MORF4L1: variants seen among roughly 807,000 people sequenced by gnomAD.
MORF4L1 encodes the protein mortality factor 4 like 1.
A neutral mutation model predicts 52.9 loss-of-function variants in MORF4L1; 4 were observed. The ratio of observed to expected loss-of-function variants is 0.08; its 90% CI spans 0.04 to 0.17. The LOEUF (loss-of-function observed/expected upper bound fraction) is 0.17. Among genes scored for constraint, MORF4L1 ranks in the 10% least tolerant of loss-of-function variants. The probability of loss-of-function intolerance (pLI) is 1.00; values close to 1 mark genes in which losing one functional copy is unlikely to be tolerated. For missense variants in MORF4L1, 214 were observed against 390.4 expected (o/e 0.55, Z 3.81); for synonymous variants, 123 against 134.8 (o/e 0.91, Z 0.61).
chr15:78,887,397 A>T, intron 5 of MORF4L1, 48 bp downstream of exon 5: 1 of 1,505,978 alleles, frequency 6.6e-7, no homozygotes, highest in Non-Finnish European at 9.1e-7. Context: ...TGAAGATAAT[A>T]TTTTATGTTC....
Position 78,894,045 on chromosome 15 carries a change from G to C in MORF4L1, c.630-13G>C. ...TATTGACCAGTTTTGGAATATTTTT[G>C]TTCATTTATCAGGGAGTATGCGGTT... On this transcript the variant is annotated splice_polypyrimidine_tract_variant and intron_variant, in intron 9 of 11. Transcript: ENST00000426013. 1.2e-6 allele frequency: 2 copies of C among 1,601,806 alleles called. No homozygotes were observed. The highest frequency in any genetic ancestry group is 1.7e-6 in the Non-Finnish European group (2 of 1,173,676).
rs116697265 is a variant in MORF4L1 at position 78,895,851 on chromosome 15, T to G, written c.887+947T>G. On this transcript the variant is annotated intron_variant, in intron 11 of 11. Transcript: ENST00000426013. ...GTAAATTTAAAACTGCAACGTGGACTTGAGAATGTAGGCAAGATTTATCAT... is the reference window on the plus strand; with the variant it reads ...GTAAATTTAAAACTGCAACGTGGACGTGAGAATGTAGGCAAGATTTATCAT... 1.4e-3 allele frequency among the ~76,000 whole-genome samples: 206 copies of G among 152,322 alleles called. 1 individual carries two copies. Among genetic ancestry groups the G allele is most frequent in the African/African-American group, 4.6e-3 (192 of 41,578 alleles).
intron 11 of MORF4L1, 71 bp downstream of exon 11, chr15:78,894,975 G>A (rs1334332727): frequency 8.0e-6 from 10 of 1,246,720 alleles, no homozygotes; most frequent in Non-Finnish European, 1.2e-5. Flanking sequence ...TGGCAGTATA[G>A]ATGCTAAAAC....
chr15:78,893,848 A>G (rs575549254), intron 9 of MORF4L1, among the ~76,000 whole-genome samples: 10 of 151,730 alleles, frequency 6.6e-5, no homozygotes, highest in South Asian at 2.1e-4. Flanking sequence ...AGGTATTTGC[A>G]TAACCATTTA....
In MORF4L1 at chr15:78,893,535, A is replaced by C. The variant is rs1836556; in HGVS notation, c.541-4A>C. On this transcript the variant is annotated splice_polypyrimidine_tract_variant and splice_region_variant and intron_variant, in intron 8 of 11. Coordinates refer to ENST00000426013, the MANE Select transcript of MORF4L1 (RefSeq NM_006791.4). ...TATATTTAAGCATATTTTTGTCTTC[A>C]TAGCTCTTTTATCTTCCTGCCAAGA... 1 of 1,591,782 alleles carries C rather than the reference A, an allele frequency of 6.3e-7. No homozygotes were observed. Among genetic ancestry groups the C allele is most frequent in the Non-Finnish European group, 8.6e-7 (1 of 1,161,744 alleles).
chr15:78,896,876 T>C (rs1567322029), intron 11 of MORF4L1, 107 bp from the exon 12 acceptor site: 4 of 764,450 alleles, frequency 5.2e-6, no homozygotes, highest in Non-Finnish European at 6.6e-6. Context: ...TGGTTTAATG[T>C]ATTTTAGGAA....
intron 1 of MORF4L1, among the ~76,000 whole-genome samples, chr15:78,875,404 T>C (rs2056466338): frequency 6.6e-6 from 1 of 152,234 alleles, no homozygotes; most frequent in Non-Finnish European, 1.5e-5. Flanking sequence ...AGAGAGTCTG[T>C]ATTTAACATT....
intron 3 of MORF4L1, among the ~76,000 whole-genome samples, chr15:78,883,804 A>C (rs1220443210): frequency 6.6e-6 from 1 of 152,196 alleles, no homozygotes; most frequent in Non-Finnish European, 1.5e-5. Flanking sequence ...TCATTTTGAA[A>C]GGGGGAGGAG....
chr15:78,878,324 T>A, intron 2 of MORF4L1, 65 bp downstream of exon 2: 1 of 1,456,970 alleles, frequency 6.9e-7, no homozygotes, highest in Non-Finnish European at 9.5e-7. Flanking sequence ...CCATTTAATA[T>A]ACAAGTACAG....
Position 78,897,618 on chromosome 15 carries a change from T to C in MORF4L1, c.*551T>C, listed in dbSNP as rs189497626. On this transcript the variant is annotated 3_prime_UTR_variant, in exon 12 of 12. Transcript: ENST00000426013. Reference sequence around the variant, plus strand: ...GTTTCATGGTTTTTGTATTTGTGTCTAATGCACGTTTTAACATGATAGACG... The same window carrying C: ...GTTTCATGGTTTTTGTATTTGTGTCCAATGCACGTTTTAACATGATAGACG... 2.6e-5 allele frequency: 4 copies of C among 152,962 alleles called. No homozygotes were observed. The East Asian group carries it at 7.7e-4, about 29-fold the overall frequency. The allele number at this position is 152,962 out of a possible 1,614,324, so 9.5% of individuals were successfully genotyped here. A position where few individuals can be genotyped will look rare whatever the true frequency, so the allele number is the denominator to read the frequency against.
intron 11 of MORF4L1, among the ~76,000 whole-genome samples, chr15:78,895,752 A>AG (rs2056876554): frequency 6.6e-6 from 1 of 152,142 alleles, no homozygotes; most frequent in Non-Finnish European, 1.5e-5. Context: ...TGGTGTTGGA[A>AG]GGGAGGGTGG....
chr15:78,878,142 G>T, intron 1 of MORF4L1, 71 bp from the exon 2 acceptor site: 1 of 1,465,162 alleles, frequency 6.8e-7, no homozygotes, highest in South Asian at 1.3e-5. Flanking sequence ...AAAGTGTGAT[G>T]ACTCTCTAAG....
chr15:78,876,405 CT>C, intron 1 of MORF4L1: 1 of 368,402 alleles, frequency 2.7e-6, no homozygotes, highest in Non-Finnish European at 5.5e-6. Context: ...ATTGGAAATT[CT>C]TTTTTGTTTT....
intron 5 of MORF4L1, among the ~76,000 whole-genome samples, chr15:78,889,960 A>G (rs959862075): frequency 5.9e-5 from 6 of 101,380 alleles, no homozygotes; most frequent in Non-Finnish European, 1.1e-4. Context: ...GCATGGTGGC[A>G]CACGCCTGTA....
chr15:78,896,308 CTTTTTTTTTTTTTT>C (rs71148578), intron 11 of MORF4L1, among the ~76,000 whole-genome samples: 1 of 81,448 alleles, frequency 1.2e-5, no homozygotes, highest in Non-Finnish European at 2.3e-5. Context: ...CTTTTCTTTT[CTTTTTTTTTTTTTT>C]TTTTTTTTTG....
intron 2 of MORF4L1, 67 bp downstream of exon 2, chr15:78,878,326 C>G: frequency 6.9e-7 from 1 of 1,442,640 alleles, no homozygotes. Context: ...ATTTAATATA[C>G]AAGTACAGTA....
chr15:78,891,711 G>GT (rs901167964), intron 7 of MORF4L1, 139 bp downstream of exon 7: 1 of 635,976 alleles, frequency 1.6e-6, no homozygotes, highest in Non-Finnish European at 2.7e-6. Flanking sequence ...TCTTTTGGGG[G>GT]TAAAGGATAA....
intron 7 of MORF4L1, 67 bp from the exon 8 acceptor site, chr15:78,892,145 C>T (rs1596250811): frequency 1.8e-6 from 2 of 1,100,244 alleles, no homozygotes; most frequent in South Asian, 1.4e-5. Context: ...TAAAAGTCAG[C>T]TCCCCTCCAT....
rs2056805017 is a variant in MORF4L1 at position 78,891,708 on chromosome 15, G to C, written c.438+136G>C. On this transcript the variant is annotated intron_variant, in intron 7 of 11. Transcript: ENST00000426013. Reference sequence around the variant, plus strand: ...CTGAAATTAAAAATTTTCTCTTTTGGGGGTAAAGGATAAATTTCTGTATAT... The same window carrying C: ...CTGAAATTAAAAATTTTCTCTTTTGCGGGTAAAGGATAAATTTCTGTATAT... 3.7e-5 allele frequency: 24 copies of C among 645,838 alleles called. 1 individual carries two copies. In the South Asian group the frequency reaches 5.8e-4, roughly 15 times the overall value. 40.0% of individuals were successfully genotyped at this position (645,838 alleles called of 1,614,324 possible). A position where few individuals can be genotyped will look rare whatever the true frequency, so the allele number is the denominator to read the frequency against.
Sources: gnomAD v4.1 joint callset for allele counts (sites outside exome capture counted in the v4.1 genomes callset) on GRCh38, gnomAD v4.1.1 for gene constraint, MANE v1.5 for transcripts, NCBI Gene and HGNC (gene_info 2026-07-23, HGNC 2026-07-21) for gene names.